AQP6: variants seen among roughly 807,000 people sequenced by gnomAD.
AQP6 encodes the protein aquaporin-6.
Under a neutral mutation model 16.3 loss-of-function variants are expected in AQP6, and 14 were observed. That is an observed-to-expected ratio of 0.86 (90% CI 0.57 to 1.34). AQP6 has a LOEUF of 1.34. AQP6 is among the 40% of genes most tolerant of loss of function. The pLI, the probability that AQP6 is intolerant of heterozygous loss-of-function variation, is 0.00. For synonymous variants in AQP6, 178 were observed against 166.8 expected (o/e 1.07, Z -0.52); for missense variants, 331 against 379.7 (o/e 0.87, Z 1.07).
rs766565532 is a variant in AQP6 at position 49,975,610 on chromosome 12, C to T, written c.788C>T (p.Ala263Val). ...VEVGTGAGAG[A>V]EPLKKESQPG... ...GTGGGGACAGGGGCAGGGGCAGGGG[C>T]GGAGCCCCTGAAGAAGGAATCCCAG... The change falls in exon 4 of 4, where the codon GCG becomes GTG. Residue 263 changes from alanine to valine, a missense_variant. Transcript: ENST00000315520. This position sits in a 1 kb window ranked among gnomAD's most constrained non-coding sequence, Gnocchi z 4.4. The T allele has an allele frequency of 4.6e-5, 73 of 1,596,998 alleles. No individual in the cohort carries two copies. The East Asian group carries it at 1.6e-3, about 34-fold the overall frequency.
Position 49,973,228 on chromosome 12 carries a change from C to T in AQP6, c.55C>T (p.Leu19Phe), listed in dbSNP as rs1947542065. 2 of 1,613,730 alleles carry T rather than the reference C, an allele frequency of 1.2e-6. No homozygotes were observed. Among genetic ancestry groups the T allele is most frequent in the African/African-American group, 2.7e-5 (2 of 74,954 alleles). Reference sequence around the variant, plus strand: ...CTGGGCCAGCATGTTGGCGTGCAGGCTTTGGAAAGCCATCAGCAGGGCGCT... The same window carrying T: ...CTGGGCCAGCATGTTGGCGTGCAGGTTTTGGAAAGCCATCAGCAGGGCGCT... ...RGWASMLACR[L>F]WKAISRALFA... The change falls in exon 1 of 4, where the codon CTT becomes TTT. Residue 19 changes from leucine (L) to phenylalanine (F), a missense_variant. Coordinates refer to ENST00000315520, the MANE Select transcript of AQP6 (RefSeq NM_001652.4).
rs757947702 is a variant in AQP6, at chr12:49,975,617, C to T, written c.795C>T (p.Pro265=). The stretch of plus-strand genomic sequence containing the variant: ...CAGGGGCAGGGGCAGGGGCGGAGCC[C>T]CTGAAGAAGGAATCCCAGCCGGGTT... ...VGTGAGAGAE[P]LKKESQPGSG... Residue 265 remains proline (P), a synonymous_variant, in exon 4 of 4, where the codon CCC becomes CCT. Coordinates refer to ENST00000315520, the MANE Select transcript of AQP6 (RefSeq NM_001652.4). The surrounding 1 kb of genome is among the most constrained non-coding windows in gnomAD (Gnocchi z 4.4). 8 of 1,595,244 alleles carry T rather than the reference C, an allele frequency of 5.0e-6. No homozygotes were observed. The highest frequency in any genetic ancestry group is 1.7e-4 in the Middle Eastern group (1 of 5,902).
At position 49,977,037 on chromosome 12, in the gene AQP6, A is replaced by C. The variant is rs1331495259; in HGVS notation, c.*1366A>C. The C allele has an allele frequency of 2.8e-6, 2 of 702,398 alleles. No homozygotes were observed. The highest frequency in any genetic ancestry group is 3.0e-5 in the South Asian group (2 of 67,592). The allele number at this position is 702,398 out of a possible 1,614,324, so 43.5% of individuals were successfully genotyped here. A position where few individuals can be genotyped will look rare whatever the true frequency, so the allele number is the denominator to read the frequency against. ...CGGCTTCTCCAGCTGTAAAATGGAC[A>C]CACAATCCTCCTCCAGGGACTGCTG... On this transcript the variant is annotated 3_prime_UTR_variant, in exon 4 of 4. Coordinates refer to ENST00000315520, the MANE Select transcript of AQP6 (RefSeq NM_001652.4).
chr12:49,973,206 G>A lies in AQP6; in HGVS notation c.33G>A (p.Trp11Ter), dbSNP rs139772677. MDAVEPGGRG[W>*]ASMLACRLWK... Reference sequence around the variant, plus strand: ...CAGTGGAGCCAGGGGGACGTGGCTGGGCCAGCATGTTGGCGTGCAGGCTTT... The same window carrying A: ...CAGTGGAGCCAGGGGGACGTGGCTGAGCCAGCATGTTGGCGTGCAGGCTTT... The change falls in exon 1 of 4, where the codon TGG becomes TGA. Residue 11 changes from tryptophan (W) to a stop codon, truncating the protein, a stop_gained. Transcript: ENST00000315520. LOFTEE classifies it high-confidence loss of function. 6.2e-7 allele frequency: 1 copy of A among 1,612,322 alleles called. No homozygotes were observed. Among genetic ancestry groups the A allele is most frequent in the East Asian group, 2.2e-5 (1 of 44,860 alleles).
In AQP6 at chr12:49,975,483, C is replaced by T. The variant is rs1947564715; in HGVS notation, c.661C>T (p.Leu221=). 1 of 1,604,410 alleles carries T rather than the reference C, an allele frequency of 6.2e-7. No homozygotes were observed. Among genetic ancestry groups the T allele is most frequent in the African/African-American group, 1.3e-5 (1 of 74,192 alleles). ...TVHWVFWVGP[L]MGALLASLIY... ...TCCTCAGGTCTTCTGGGTGGGGCCC[C>T]TGATGGGAGCCCTCCTGGCCTCACT... is the stretch of plus-strand genomic sequence containing the variant. The change falls in exon 4 of 4, where the codon CTG becomes TTG. Residue 221 remains leucine (L), a synonymous_variant. Coordinates refer to ENST00000315520, the MANE Select transcript of AQP6 (RefSeq NM_001652.4). This position sits in a 1 kb window ranked among gnomAD's most constrained non-coding sequence, Gnocchi z 4.4.
At chr12:49,973,968 C>T (rs1050871366) in intron 1 of AQP6, 1 of 1,156,376 alleles carries the variant, frequency 8.6e-7, no homozygotes, top group Non-Finnish European at 1.1e-6. Flanking sequence ...CTTCCCTCCA[C>T]CTCGAGGCCT....
rs1947561353 is a variant in AQP6, at chr12:49,975,043, C to T, written c.642+217C>T. 7.3e-7 allele frequency: 1 copy of T among 1,378,976 alleles called. No individual in the cohort carries two copies. The highest frequency in any genetic ancestry group is 1.5e-5 in the African/African-American group (1 of 68,430). The allele number at this position is 1,378,976 out of a possible 1,614,324, so 85.4% of individuals were successfully genotyped here. ...CAGCCTTGGCCCAGACTTTTAAGTC[C>T]TGGCTGTTTCCTTATTCACTTTCTC... On this transcript the variant is annotated intron_variant, in intron 3 of 3. Transcript: ENST00000315520. This position sits in a 1 kb window ranked among gnomAD's most constrained non-coding sequence, Gnocchi z 4.4.
intron 1 of AQP6, chr12:49,973,822 T>C (rs1321266812): frequency 6.3e-6 from 7 of 1,114,008 alleles, no homozygotes; most frequent in Non-Finnish European, 8.4e-6. Context: ...GGAGAAGGAA[T>C]AGAAGGACCA....
rs1187355615 is a variant in AQP6 at position 49,973,460 on chromosome 12, C to G, written c.287C>G (p.Ser96Cys). 6.8e-6 allele frequency: 11 copies of G among 1,613,722 alleles called. No individual in the cohort carries two copies. The highest frequency in any genetic ancestry group is 9.3e-6 in the Non-Finnish European group (11 of 1,180,054). ...GCCTTCCTCGTAGGCTCCCACATCT[C>G]TCTGCCCCGTGCTGTGGCCTATGTG... The part of the protein sequence containing the change: ...TLAFLVGSHI[S>C]LPRAVAYVAA... Residue 96 changes from serine (S) to cysteine (C), a missense_variant, in exon 1 of 4, where the codon TCT becomes TGT. Coordinates refer to ENST00000315520, the MANE Select transcript of AQP6 (RefSeq NM_001652.4).
intron 1 of AQP6, 155 bp from the exon 2 acceptor site, chr12:49,974,169 G>A (rs1947552486): frequency 2.2e-6 from 3 of 1,363,578 alleles, no homozygotes; most frequent in Non-Finnish European, 2.8e-6. Flanking sequence ...GAGCAGATAT[G>A]GACCCCTCTG....
Position 49,973,080 on chromosome 12 carries a change from A to C in AQP6, c.-94A>C. 1.4e-6 allele frequency: 2 copies of C among 1,459,456 alleles called. No individual in the cohort carries two copies. The highest frequency in any genetic ancestry group is 1.8e-6 in the Non-Finnish European group (2 of 1,107,642). 90.4% of individuals were successfully genotyped at this position (1,459,456 alleles called of 1,614,324 possible). A position where few individuals can be genotyped will look rare whatever the true frequency, so the allele number is the denominator to read the frequency against. ...CAGAGAGCAAAAGCCAGGGTCAGCC[A>C]GAGACAGGACACCAGAAGAGACAGG... is the stretch of plus-strand genomic sequence containing the variant. On this transcript the variant is annotated 5_prime_UTR_variant, in exon 1 of 4. Coordinates refer to ENST00000315520, the MANE Select transcript of AQP6 (RefSeq NM_001652.4).
At position 49,973,005 on chromosome 12, in the gene AQP6, G is replaced by A. The variant is rs1236485649; in HGVS notation, c.-169G>A. The A allele has an allele frequency of 1.1e-6, 1 of 928,516 alleles. No homozygotes were observed. The highest frequency in any genetic ancestry group is 2.9e-5 in the Admixed American group (1 of 34,400). 57.5% of individuals were successfully genotyped at this position (928,516 alleles called of 1,614,324 possible). A position where few individuals can be genotyped will look rare whatever the true frequency, so the allele number is the denominator to read the frequency against. ...GCCAGTCTGACCAGCACAGTCCTGG[G>A]GACAGGAGCGTGGTGGAGGAGCTGC... On this transcript the variant is annotated 5_prime_UTR_variant, in exon 1 of 4. Transcript: ENST00000315520.
At position 49,973,297 on chromosome 12, in the gene AQP6, G is replaced by T. The variant is rs373075912; in HGVS notation, c.124G>T (p.Val42Leu). 6.8e-6 allele frequency: 11 copies of T among 1,613,754 alleles called. No homozygotes were observed. The highest frequency in any genetic ancestry group is 1.3e-5 in the African/African-American group (1 of 75,068). ...LATGLYVFFG[V>L]GSVMRWPTAL... is the part of the protein sequence containing the mutation. ...CACGGGGCTGTATGTGTTCTTTGGC[G>T]TGGGCTCAGTCATGCGCTGGCCCAC... The change falls in exon 1 of 4, where the codon GTG (valine) becomes TTG (leucine). Residue 42 changes from valine (V) to leucine (L), a missense_variant. Coordinates refer to ENST00000315520, the MANE Select transcript of AQP6 (RefSeq NM_001652.4).
At position 49,975,145 on chromosome 12, in the gene AQP6, C is replaced by T; in HGVS notation, c.642+319C>T. The T allele has an allele frequency of 7.7e-7, 1 of 1,292,342 alleles. No individual in the cohort carries two copies. Among genetic ancestry groups the T allele is most frequent in the South Asian group, 2.3e-5 (1 of 43,736 alleles). The allele number at this position is 1,292,342 out of a possible 1,614,324, so 80.1% of individuals were successfully genotyped here. A position where few individuals can be genotyped will look rare whatever the true frequency, so the allele number is the denominator to read the frequency against. On this transcript the variant is annotated intron_variant, in intron 3 of 3. Coordinates refer to ENST00000315520, the MANE Select transcript of AQP6 (RefSeq NM_001652.4). The surrounding 1 kb of genome is among the most constrained non-coding windows in gnomAD (Gnocchi z 4.4). ...ACACACACACCAGCAGAGACAGAAA[C>T]AGCAATAGCCAGGACTCCTGGCTAA... is the stretch of plus-strand genomic sequence containing the variant.
Position 49,975,530 on chromosome 12 carries a change from C to G in AQP6, c.708C>G (p.Phe236Leu). 6.2e-7 allele frequency: 1 copy of G among 1,613,746 alleles called. No homozygotes were observed. Among genetic ancestry groups the G allele is most frequent in the South Asian group, 1.1e-5 (1 of 91,058 alleles). The change falls in exon 4 of 4, where the codon TTC becomes TTG. Residue 236 changes from phenylalanine (F) to leucine (L), a missense_variant. Coordinates refer to ENST00000315520, the MANE Select transcript of AQP6 (RefSeq NM_001652.4). This position sits in a 1 kb window ranked among gnomAD's most constrained non-coding sequence, Gnocchi z 4.4. The part of the protein sequence containing the change: ...LASLIYNFVL[F>L]PDTKTLAQRL... The stretch of plus-strand genomic sequence containing the variant: ...CACTGATCTACAACTTCGTCCTGTT[C>G]CCCGACACCAAGACCCTGGCGCAGC...
chr12:49,974,224 AC>A (rs1947553135), intron 1 of AQP6, 99 bp from the exon 2 acceptor site: 3 of 1,428,748 alleles, frequency 2.1e-6, no homozygotes, highest in South Asian at 3.4e-5. Context: ...GTGAGGTGTC[AC>A]CCCCCTCCAG....
In AQP6 at chr12:49,973,149, C is replaced by G. The variant is rs1947540803; in HGVS notation, c.-25C>G. On this transcript the variant is annotated 5_prime_UTR_variant, in exon 1 of 4. Coordinates refer to ENST00000315520, the MANE Select transcript of AQP6 (RefSeq NM_001652.4). ...ACAGAGAAGAGGCCCCAGAGCAAGG[C>G]AAGGAACGGCCAAGGCACCAGGACA... 1 of 1,577,156 alleles carries G rather than the reference C, an allele frequency of 6.3e-7. No homozygotes were observed. Among genetic ancestry groups the G allele is most frequent in the East Asian group, 2.2e-5 (1 of 44,560 alleles).
rs780635907 is a variant in AQP6 at position 49,977,012 on chromosome 12, C to A, written c.*1341C>A. The A allele has an allele frequency of 9.8e-5, 69 of 702,186 alleles. No individual in the cohort carries two copies. Among genetic ancestry groups the A allele is most frequent in the Non-Finnish European group, 2.9e-5 (11 of 384,826 alleles). The allele number at this position is 702,186 out of a possible 1,614,324, so 43.5% of individuals were successfully genotyped here. Reference sequence around the variant, plus strand: ...CAACTTGGGGGTCCTTTCTGGATCTCGGCTTCTCCAGCTGTAAAATGGACA... The same window carrying A: ...CAACTTGGGGGTCCTTTCTGGATCTAGGCTTCTCCAGCTGTAAAATGGACA... On this transcript the variant is annotated 3_prime_UTR_variant, in exon 4 of 4. Coordinates refer to ENST00000315520, the MANE Select transcript of AQP6 (RefSeq NM_001652.4).
chr12:49,975,924 C>T lies in AQP6; in HGVS notation c.*253C>T, dbSNP rs1187612767. 2.7e-6 allele frequency: 1 copy of T among 371,882 alleles called. No individual in the cohort carries two copies. The highest frequency in any genetic ancestry group is 4.7e-6 in the Non-Finnish European group (1 of 214,302). The allele number at this position is 371,882 out of a possible 1,614,324, so 23.0% of individuals were successfully genotyped here. On this transcript the variant is annotated 3_prime_UTR_variant, in exon 4 of 4. Transcript: ENST00000315520. This position sits in a 1 kb window ranked among gnomAD's most constrained non-coding sequence, Gnocchi z 4.4. Reference sequence around the variant, plus strand: ...GGAAGGCAGGGGATTTAGGATCGCCCTCCCATCCTCTCACCCACTGGACCC... The same window carrying T: ...GGAAGGCAGGGGATTTAGGATCGCCTTCCCATCCTCTCACCCACTGGACCC...
Sources: allele counts gnomAD v4.1 joint callset, GRCh38; gene constraint gnomAD v4.1.1; non-coding constraint Gnocchi (gnomAD v3.1); transcripts MANE v1.5; gene names NCBI Gene and HGNC (gene_info 2026-07-23, HGNC 2026-07-21).